Variants in ERAP1 observed in about 807,000 individuals in gnomAD.
ERAP1 encodes endoplasmic reticulum aminopeptidase 1.
A neutral mutation model predicts 103.7 loss-of-function variants in ERAP1; 86 were observed. The ratio of observed to expected loss-of-function variants is 0.83; its 90% CI spans 0.70 to 0.99. The LOEUF is 0.99. Ranked by LOEUF, ERAP1 falls within the 50% of genes least tolerant of loss-of-function variation. ERAP1 has a pLI of 0.00. For synonymous variants in ERAP1, 398 were observed against 402.4 expected, an observed-to-expected ratio of 0.99 and a Z score of 0.13; for missense variants, 1,009 against 1,128.4, an observed-to-expected ratio of 0.89 and a Z score of 1.52.
the ERAP1 span, among the ~76,000 whole-genome samples, chr5:96,831,847 C>A: frequency 6.6e-6 from 1 of 152,228 alleles, no homozygotes; most frequent in Non-Finnish European, 1.5e-5. Flanking sequence ...TTGCCCATTG[C>A]AGACTTTGCT....
At chr5:96,892,498 CATT>C in the ERAP1 span, 1 of 1,605,762 alleles carries the variant, frequency 6.2e-7, no homozygotes, top group South Asian at 1.1e-5. Flanking sequence ...TTCAAAATAA[CATT>C]ATATAGAACA....
chr5:96,788,019 A>G (rs1776292942), intron 11 of ERAP1, among the ~76,000 whole-genome samples: 1 of 152,170 alleles, frequency 6.6e-6, no homozygotes, highest in Admixed American at 6.5e-5. Flanking sequence ...TTTCAAGATA[A>G]AAGAATTTTT....
chr5:96,770,675 T>C, downstream of ERAP1: 2 of 1,008,678 alleles, frequency 2.0e-6, no homozygotes, highest in Non-Finnish European at 3.1e-6. Flanking sequence ...TTTCAGTCAT[T>C]TAGTTTCCTA....
intron 3 of ERAP1, among the ~76,000 whole-genome samples, chr5:96,797,672 C>A (rs1777499225): frequency 6.6e-6 from 1 of 152,086 alleles, no homozygotes; most frequent in African/African-American, 2.4e-5. Context: ...TCTAATGACG[C>A]TTCTATAGTT....
chr5:96,908,995 A>T, the ERAP1 span: 1 of 1,614,198 alleles, frequency 6.2e-7, no homozygotes, highest in African/African-American at 1.3e-5. Context: ...AGCTCTTGAC[A>T]TGACTTACTA....
chr5:96,795,958 G>T (rs1335738206), intron 4 of ERAP1, among the ~76,000 whole-genome samples: 2 of 152,094 alleles, frequency 1.3e-5, no homozygotes, highest in African/African-American at 4.8e-5. Flanking sequence ...AGAAATGAAA[G>T]AATTAAAAAT....
the ERAP1 span, among the ~76,000 whole-genome samples, chr5:96,843,450 G>A: frequency 2.0e-5 from 3 of 152,198 alleles, no homozygotes; most frequent in African/African-American, 7.2e-5. Flanking sequence ...CTTGGCCCAT[G>A]ACCAGCCTGA....
chr5:96,806,591 C>T (rs114745188), intron 1 of ERAP1, among the ~76,000 whole-genome samples: 32 of 150,776 alleles, frequency 2.1e-4, no homozygotes, highest in Non-Finnish European at 4.1e-4. Flanking sequence ...TGAGTATAAA[C>T]TCCCTGCTTT....
chr5:96,781,827 C>T lies in ERAP1; in HGVS notation c.2313G>A (p.Val771=). Residue 771 remains valine, a synonymous_variant, in exon 16 of 19, where the codon GTG becomes GTA. Coordinates refer to ENST00000443439, the MANE Select transcript of ERAP1 (RefSeq NM_001040458.3). ...CTGTGCTCTGGGCCCCCACAGCAAA[C>T]ACTGCCAAGGTCACGTCGACAGGCA... ...LSLPVDVTLA[V]FAVGAQSTEG... is the part of the protein sequence containing the mutation. 2 of 1,614,020 alleles carry T rather than the reference C, an allele frequency of 1.2e-6. No homozygotes were observed. The highest frequency in any genetic ancestry group is 1.7e-4 in the Middle Eastern group (1 of 6,058).
At chr5:96,807,970 C>T (rs1247873082), upstream of ERAP1, 4 of 985,602 alleles carry the variant, frequency 4.1e-6, no homozygotes, top group African/African-American at 3.5e-5. Context: ...GGCAGGCTGG[C>T]GCTGAGCGGC....
At chr5:96,912,899 G>T in the ERAP1 span, 1 of 900,528 alleles carries the variant, frequency 1.1e-6, no homozygotes, top group South Asian at 1.6e-5. Context: ...TAAGATAATT[G>T]AATCAGAATG....
the ERAP1 span, among the ~76,000 whole-genome samples, chr5:96,871,559 G>A: frequency 5.0e-4 from 76 of 152,154 alleles, no homozygotes; most frequent in Non-Finnish European, 6.9e-4. Context: ...AATCACCCTG[G>A]TTTATTTTGC....
chr5:96,833,875 T>C, the ERAP1 span, among the ~76,000 whole-genome samples: 9 of 152,250 alleles, frequency 5.9e-5, no homozygotes, highest in Non-Finnish European at 1.2e-4. Flanking sequence ...GCCCTCCATG[T>C]GTCTTCTGAT....
chr5:96,872,575 G>A, the ERAP1 span, among the ~76,000 whole-genome samples: 1 of 152,012 alleles, frequency 6.6e-6, no homozygotes, highest in South Asian at 2.1e-4. Context: ...TTACAGCCTG[G>A]GCAACAGAGC....
chr5:96,792,117 G>C lies in ERAP1; in HGVS notation c.1264C>G (p.Pro422Ala). The change falls in exon 8 of 19, where the codon CCT becomes GCT. Residue 422 changes from proline to alanine, a missense_variant. By Grantham distance (27) the Pro-to-Ala change is conservative. Coordinates refer to ENST00000443439, the MANE Select transcript of ERAP1 (RefSeq NM_001040458.3). ...ALNSSHPVST[P>A]VENPAQIREM... The stretch of plus-strand genomic sequence containing the variant: ...CGGATCTGAGCAGGATTTTCCACAG[G>C]TGTAGACACAGGGTGTGAGGAATTT... 6.2e-7 allele frequency: 1 copy of C among 1,614,070 alleles called. No individual in the cohort carries two copies. Among genetic ancestry groups the C allele is most frequent in the Non-Finnish European group, 8.5e-7 (1 of 1,179,936 alleles).
At chr5:96,834,663 G>T in the ERAP1 span, among the ~76,000 whole-genome samples, 1 of 152,138 alleles carries the variant, frequency 6.6e-6, no homozygotes, top group Non-Finnish European at 1.5e-5. Context: ...CCAAATAAAT[G>T]GTAGTGCAAT....
chr5:96,888,750 C>T, the ERAP1 span, among the ~76,000 whole-genome samples: 3 of 152,154 alleles, frequency 2.0e-5, no homozygotes, highest in Admixed American at 1.3e-4. Context: ...TGACAGAGGG[C>T]GGATCCAATA....
the ERAP1 span, chr5:96,918,423 AT>A: frequency 1.3e-5 from 2 of 152,254 alleles, no homozygotes; most frequent in South Asian, 4.1e-4. Context: ...CAAATCTCAG[AT>A]TATTAGAAAC....
chr5:96,902,338 CT>C, the ERAP1 span: 1 of 1,609,248 alleles, frequency 6.2e-7, no homozygotes, highest in Non-Finnish European at 8.5e-7. Flanking sequence ...CAGACACATT[CT>C]AAAATCAAAG....
Sources: gnomAD v4.1 joint callset for allele counts (sites outside exome capture counted in the v4.1 genomes callset) on GRCh38, gnomAD v4.1.1 for gene constraint, MANE v1.5 for transcripts, NCBI Gene and HGNC (gene_info 2026-07-23, HGNC 2026-07-21) for gene names.